PRAG1: variants seen among roughly 807,000 people sequenced by gnomAD.
PRAG1 encodes the protein PEAK1 related, kinase-activating pseudokinase 1.
Under a neutral mutation model 95.6 loss-of-function variants are expected in PRAG1, and 110 were observed. The observed-to-expected ratio is 1.15, with a 90% confidence interval of 0.99 to 1.35. PRAG1 has a LOEUF of 1.35. Ranked by LOEUF, PRAG1 falls within the 40% of genes most tolerant of loss-of-function variation. The pLI, the probability that PRAG1 is intolerant of heterozygous loss-of-function variation, is 0.00. For synonymous variants in PRAG1, 1,052 were observed against 819.4 expected (o/e 1.28, Z -4.85); for missense variants, 2,554 against 1,864.7 (o/e 1.37, Z -6.81).
At chr8:8,350,389 C>A (rs994442827) in intron 3 of PRAG1, among the ~76,000 whole-genome samples, 1 of 152,302 alleles carries the variant, frequency 6.6e-6, no homozygotes, top group African/African-American at 2.4e-5. Context: ...CTAAGAACAA[C>A]GTGTTCCAAC....
intron 4 of PRAG1, among the ~76,000 whole-genome samples, chr8:8,328,776 G>GCA (rs148004809): frequency 0.018 from 2,705 of 149,472 alleles, 41 homozygotes; most frequent in African/African-American, 0.039. Context: ...GCACGCGTGC[G>GCA]CACACACACA....
chr8:8,372,057 C>T (rs62496032), intron 3 of PRAG1, among the ~76,000 whole-genome samples: 5 of 152,170 alleles, frequency 3.3e-5, no homozygotes, highest in African/African-American at 1.2e-4. Flanking sequence ...CTTGGTGAAA[C>T]GCTTATCTGC....
At chr8:8,356,294 G>C (rs951251896) in intron 3 of PRAG1, among the ~76,000 whole-genome samples, 1 of 152,186 alleles carries the variant, frequency 6.6e-6, no homozygotes, top group Non-Finnish European at 1.5e-5. Flanking sequence ...GTGAAGAAAA[G>C]AGAACACTAG....
At chr8:8,373,320 G>C (rs900118237) in intron 3 of PRAG1, among the ~76,000 whole-genome samples, 3 of 152,178 alleles carry the variant, frequency 2.0e-5, no homozygotes, top group African/African-American at 4.8e-5. Flanking sequence ...CTCACAGGGA[G>C]ATCCGAAAGA....
At position 8,349,266 on chromosome 8, in the gene PRAG1, CTATTTATTTATT is replaced by C. The variant is rs10672013; in HGVS notation, c.2163-9643_2163-9632del. On this transcript the variant is annotated intron_variant, in intron 3 of 5. Coordinates refer to ENST00000615670, the MANE Select transcript of PRAG1 (RefSeq NM_001080826.3). ...AGGTTTCTATTATTTATCTATCTAT[CTATTTATTTATT>C]TATTTATTTATTTATTTTTTGAGAC... 7.4e-5 allele frequency among the ~76,000 whole-genome samples: 11 copies of C among 149,350 alleles called. No individual in the cohort carries two copies. The East Asian group carries it at 9.8e-4, about 13-fold the overall frequency.
chr8:8,375,447 G>C lies in PRAG1; in HGVS notation c.2162+800C>G, dbSNP rs545830649. ...TCGATCTCCTGATCGTGATCCGCCC[G>C]CCTCGGCCTCCCAAAGTGCTGAGAT... On this transcript the variant is annotated intron_variant, in intron 3 of 5. Coordinates refer to ENST00000615670, the MANE Select transcript of PRAG1 (RefSeq NM_001080826.3). Among the ~76,000 whole-genome samples, 35 of 152,134 alleles carry C rather than the reference G, an allele frequency of 2.3e-4. No homozygotes were observed. The East Asian group carries it at 3.7e-3, about 16-fold the overall frequency.
At chr8:8,380,093 AAAAAAC>A (rs939338242) in intron 2 of PRAG1, among the ~76,000 whole-genome samples, 6 of 151,922 alleles carry the variant, frequency 3.9e-5, no homozygotes, top group African/African-American at 1.4e-4. Flanking sequence ...TATCTCCACC[AAAAAAC>A]AAAAACAAAA....
At position 8,377,890 on chromosome 8, in the gene PRAG1, C is replaced by T. The variant is rs759625260; in HGVS notation, c.519G>A (p.Arg173=). Residue 173 remains arginine, a synonymous_variant, in exon 3 of 6, where the codon AGG becomes AGA. Coordinates refer to ENST00000615670, the MANE Select transcript of PRAG1 (RefSeq NM_001080826.3). ...AGCTCACCGGGTGGAAGGCAATGTT[C>T]CTCTCGCCGCGGGGCTCAAGGTTGT... ...GLHNLEPRGE[R]NIAFHPVSFP... is the part of the protein sequence containing the mutation. The T allele has an allele frequency of 6.2e-7, 1 of 1,614,080 alleles. No individual in the cohort carries two copies. The highest frequency in any genetic ancestry group is 2.2e-5 in the East Asian group (1 of 44,858).
chr8:8,340,334 T>C (rs562729981), intron 3 of PRAG1, among the ~76,000 whole-genome samples: 1 of 152,248 alleles, frequency 6.6e-6, no homozygotes, highest in South Asian at 2.1e-4. Context: ...AGAAAAACAC[T>C]CACATTGGAG....
chr8:8,367,824 G>C (rs896828904), intron 3 of PRAG1, among the ~76,000 whole-genome samples: 3 of 152,032 alleles, frequency 2.0e-5, no homozygotes, highest in African/African-American at 7.2e-5. Context: ...TGTATTTTTA[G>C]TAGAGACGGG....
At chr8:8,328,822 C>A (rs990451263) in intron 4 of PRAG1, among the ~76,000 whole-genome samples, 1 of 152,132 alleles carries the variant, frequency 6.6e-6, no homozygotes, top group African/African-American at 2.4e-5. Context: ...AAAGAGCAAA[C>A]GGTGGCTACT....
At chr8:8,363,416 C>G (rs1799908346) in intron 3 of PRAG1, among the ~76,000 whole-genome samples, 1 of 152,148 alleles carries the variant, frequency 6.6e-6, no homozygotes, top group Non-Finnish European at 1.5e-5. Flanking sequence ...ACACATGCTA[C>G]AAGATGGATG....
chr8:8,377,347 A>C lies in PRAG1; in HGVS notation c.1062T>G (p.Ser354Arg). The C allele has an allele frequency of 6.3e-7, 1 of 1,584,590 alleles. No individual in the cohort carries two copies. The highest frequency in any genetic ancestry group is 8.6e-7 in the Non-Finnish European group (1 of 1,164,572). ...GSGSGSGSGASSPFVPHLESD... is the reference protein window; with the variant it reads ...GSGSGSGSGARSPFVPHLESD... The stretch of plus-strand genomic sequence containing the variant: ...TCTCGAGGTGGGGGACGAAGGGGCT[A>C]CTGGCGCCGCTGCCGCTGCCGCTGC... The change falls in exon 3 of 6, where the codon AGT (serine) becomes AGG (arginine). Residue 354 changes from serine (S) to arginine (R), a missense_variant. Physicochemically the swap from Ser to Arg is moderately radical, Grantham distance 110 (BLOSUM62 -1). Transcript: ENST00000615670.
intron 4 of PRAG1, among the ~76,000 whole-genome samples, chr8:8,332,272 C>T (rs1344284953): frequency 1.3e-5 from 2 of 151,726 alleles, no homozygotes; most frequent in African/African-American, 4.8e-5. Context: ...AGTGATTCTC[C>T]TGCATCAGCC....
chr8:8,365,416 G>C (rs1276790550), intron 3 of PRAG1, among the ~76,000 whole-genome samples: 1 of 151,988 alleles, frequency 6.6e-6, no homozygotes, highest in Admixed American at 6.5e-5. Context: ...CTGAGGTCAG[G>C]AGTTCGAGAC....
Position 8,322,902 on chromosome 8 carries a change from C to T in PRAG1, c.3073-3600G>A, listed in dbSNP as rs973280868. On this transcript the variant is annotated intron_variant, in intron 5 of 5. Transcript: ENST00000615670. ...CTGTGTCTCCCTAAAATGTACAAAA[C>T]CAAGTTGTGGCCTGACCACTTTGGG... is the stretch of plus-strand genomic sequence containing the variant. Among the ~76,000 whole-genome samples, 5 of 152,166 alleles carry T rather than the reference C, an allele frequency of 3.3e-5. 1 individual carries two copies. The highest frequency in any genetic ancestry group is 1.2e-4 in the African/African-American group (5 of 41,438).
Position 8,345,566 on chromosome 8 carries a change from G to A in PRAG1, c.2163-5931C>T, listed in dbSNP as rs190412828. 4.9e-4 allele frequency among the ~76,000 whole-genome samples: 74 copies of A among 152,132 alleles called. No individual in the cohort carries two copies. In the East Asian group the frequency reaches 0.013, roughly 26 times the overall value. On this transcript the variant is annotated intron_variant, in intron 3 of 5. Coordinates refer to ENST00000615670, the MANE Select transcript of PRAG1 (RefSeq NM_001080826.3). ...AGCACTTTGGGAGGCAGAGGCGGGT[G>A]GATCACTTGAGGCCAGGAGTTCGAG...
Position 8,377,842 on chromosome 8 carries a change from G to C in PRAG1, c.567C>G (p.His189Gln), listed in dbSNP as rs1016161902. ...GGTAAGGAAATGAGGGTTTTTCTTTGTGCACAGCCTTCTCCTCCGGGAAGC... is the reference window on the plus strand; with the variant it reads ...GGTAAGGAAATGAGGGTTTTTCTTTCTGCACAGCCTTCTCCTCCGGGAAGC... The part of the protein sequence containing the change: ...PVSFPEEKAV[H>Q]KEKPSFPYQD... The change falls in exon 3 of 6, where the codon CAC (histidine) becomes CAG (glutamine). Residue 189 changes from histidine (H) to glutamine (Q), a missense_variant. By Grantham distance (24) the His-to-Gln change is conservative. Transcript: ENST00000615670. The C allele has an allele frequency of 6.2e-7, 1 of 1,613,994 alleles. No homozygotes were observed. The highest frequency in any genetic ancestry group is 2.2e-5 in the East Asian group (1 of 44,868).
chr8:8,372,459 G>C (rs557934012), intron 3 of PRAG1, among the ~76,000 whole-genome samples: 17 of 152,332 alleles, frequency 1.1e-4, no homozygotes, highest in African/African-American at 4.1e-4. Flanking sequence ...GGGTGACCCA[G>C]AGACTCTGTG....
Sources: gnomAD v4.1 joint callset for allele counts (sites outside exome capture counted in the v4.1 genomes callset) on GRCh38, gnomAD v4.1.1 for gene constraint, MANE v1.5 for transcripts, NCBI Gene and HGNC (gene_info 2026-07-23, HGNC 2026-07-21) for gene names.